Variants in PATJ observed in about 807,000 individuals in gnomAD.
PATJ encodes the protein PATJ crumbs cell polarity complex component.
In PATJ, 190 loss-of-function variants were observed where a neutral mutation model predicts 224.9. That is an observed-to-expected ratio of 0.84 (90% CI 0.75 to 0.95). The LOEUF is 0.95. Ranked by LOEUF, PATJ falls within the 40% of genes least tolerant of loss-of-function variation. The probability of loss-of-function intolerance (pLI) is 0.00; values close to 1 mark genes in which losing one functional copy is unlikely to be tolerated. For missense variants in PATJ, 2,121 were observed against 2,270.3 expected (o/e 0.93, Z 1.34); for synonymous variants, 769 against 820.3 (o/e 0.94, Z 1.07).
intron 43 of PATJ, among the ~76,000 whole-genome samples, chr1:62,155,932 C>T (rs1165856423): frequency 6.6e-6 from 1 of 151,446 alleles, no homozygotes; most frequent in African/African-American, 2.4e-5. Context: ...GTGGTAGGCG[C>T]CTGTAGTCCC....
intron 7 of PATJ, among the ~76,000 whole-genome samples, chr1:61,779,933 A>C (rs2148433440): frequency 6.9e-6 from 1 of 145,842 alleles, no homozygotes. Context: ...TCTTTTTAAC[A>C]ATCAGAGTGA....
intron 16 of PATJ, among the ~76,000 whole-genome samples, chr1:61,831,208 A>C (rs1659260803): frequency 6.6e-6 from 1 of 150,476 alleles, no homozygotes; most frequent in Admixed American, 6.6e-5. Flanking sequence ...AAAAAAAAGT[A>C]AAACCTAAAA....
Position 61,905,032 on chromosome 1 carries a change from G to T in PATJ, c.3382-3340G>T, listed in dbSNP as rs111355425. Among the ~76,000 whole-genome samples the T allele has an allele frequency of 6.6e-5, 10 of 152,314 alleles. 1 individual carries two copies. Among genetic ancestry groups the T allele is most frequent in the African/African-American group, 2.4e-4 (10 of 41,562 alleles). ...GTCCAAGAGTTCAAGACTTGCTTGG[G>T]CAACATAGTGAGACCCTCTATCTAC... On this transcript the variant is annotated intron_variant, in intron 24 of 43. Coordinates refer to ENST00000642238, the MANE Select transcript of PATJ (RefSeq NM_001350145.3).
chr1:61,745,602 T>G (rs1333827095), intron 1 of PATJ, among the ~76,000 whole-genome samples: 2 of 149,876 alleles, frequency 1.3e-5, no homozygotes, highest in Non-Finnish European at 3.0e-5. Context: ...TTTATTTTAA[T>G]TAATTAATTT....
intron 27 of PATJ, among the ~76,000 whole-genome samples, chr1:61,972,167 G>A (rs1189229872): frequency 6.6e-6 from 1 of 151,766 alleles, no homozygotes; most frequent in East Asian, 1.9e-4. Flanking sequence ...ATTCCTTTAT[G>A]TTTTATATAT....
chr1:61,803,853 C>T (rs1235896593), intron 12 of PATJ, among the ~76,000 whole-genome samples: 1 of 152,104 alleles, frequency 6.6e-6, no homozygotes, highest in Non-Finnish European at 1.5e-5. Context: ...TATTTCAGAT[C>T]ATCATGTTAT....
chr1:61,959,040 G>A (rs1680840161), intron 27 of PATJ, among the ~76,000 whole-genome samples: 1 of 152,062 alleles, frequency 6.6e-6, no homozygotes, highest in Non-Finnish European at 1.5e-5. Flanking sequence ...TTGGAATGTG[G>A]GGAGGGGTAT....
rs1048173777 is a variant in PATJ, at chr1:62,006,342, C to G, written c.3868-11514C>G. On this transcript the variant is annotated intron_variant, in intron 28 of 43. Coordinates refer to ENST00000642238, the MANE Select transcript of PATJ (RefSeq NM_001350145.3). ...TGTTCCCCAGGCTGGTCTCGAACTC[C>G]TGAGCTCAGGCAATCCACCCGCCTT... Among the ~76,000 whole-genome samples, 4 of 152,196 alleles carry G rather than the reference C, an allele frequency of 2.6e-5. No homozygotes were observed. In the East Asian group the frequency reaches 7.7e-4, roughly 29 times the overall value.
At chr1:61,819,427 T>C (rs1656804042) in intron 14 of PATJ, among the ~76,000 whole-genome samples, 1 of 152,200 alleles carries the variant, frequency 6.6e-6, no homozygotes, top group Non-Finnish European at 1.5e-5. Context: ...TTTATTTGTC[T>C]GCCATGCTAG....
At chr1:61,785,525 T>C (rs1648318912) in intron 7 of PATJ, among the ~76,000 whole-genome samples, 1 of 152,228 alleles carries the variant, frequency 6.6e-6, no homozygotes, top group South Asian at 2.1e-4. Flanking sequence ...AATTTTCTCA[T>C]TTGAAAGTTG....
Position 61,864,612 on chromosome 1 carries a change from T to C in PATJ, c.2814T>C (p.Tyr938=), listed in dbSNP as rs780749300. 8 of 1,596,610 alleles carry C rather than the reference T, an allele frequency of 5.0e-6. No homozygotes were observed. The highest frequency in any genetic ancestry group is 1.1e-5 in the South Asian group (1 of 90,888). The part of the protein sequence containing the change: ...RTVYSQEAQP[Y]GYCPENVMKE... ...TCTATTCCCAGGAGGCACAGCCGTATGGCTATTGCCCTGAAAATGTGGTAA... is the reference window on the plus strand; with the variant it reads ...TCTATTCCCAGGAGGCACAGCCGTACGGCTATTGCCCTGAAAATGTGGTAA... Residue 938 remains tyrosine (Y), a synonymous_variant, in exon 20 of 44, where the codon TAT becomes TAC. Transcript: ENST00000642238.
chr1:62,054,792 C>T (rs1654263960), intron 31 of PATJ, among the ~76,000 whole-genome samples: 1 of 152,116 alleles, frequency 6.6e-6, no homozygotes, highest in Non-Finnish European at 1.5e-5. Context: ...TACGGTGATT[C>T]ATGCCTATAA....
intron 27 of PATJ, among the ~76,000 whole-genome samples, chr1:61,987,540 A>G (rs1644831805): frequency 6.6e-6 from 1 of 152,182 alleles, no homozygotes; most frequent in Non-Finnish European, 1.5e-5. Flanking sequence ...TGAGAGCATA[A>G]GTGCTCTGGT....
At chr1:62,107,559 A>G (rs1384060301) in intron 33 of PATJ, among the ~76,000 whole-genome samples, 2 of 152,104 alleles carry the variant, frequency 1.3e-5, no homozygotes, top group Non-Finnish European at 2.9e-5. Context: ...AAATATATAA[A>G]TATTTGGGTG....
intron 28 of PATJ, among the ~76,000 whole-genome samples, chr1:62,005,417 G>GTTT (rs533186698): frequency 2.8e-4 from 33 of 116,362 alleles, no homozygotes; most frequent in Admixed American, 8.3e-4. Flanking sequence ...ATATGATGTG[G>GTTT]TTTTTTTTTT....
chr1:62,151,216 G>A (rs539246920), intron 42 of PATJ, among the ~76,000 whole-genome samples: 2 of 152,270 alleles, frequency 1.3e-5, no homozygotes, highest in Admixed American at 6.5e-5. Flanking sequence ...CAGTAACTAT[G>A]GATGTCTGCT....
In PATJ at chr1:61,791,540, A is replaced by G. The variant is rs913750297; in HGVS notation, c.1168+93A>G. ...TTAAATACTTGCAGATTTTAATTTA[A>G]ATCTTGAACAATAAAACCATGAGTC... On this transcript the variant is annotated intron_variant, in intron 9 of 43. Coordinates refer to ENST00000642238, the MANE Select transcript of PATJ (RefSeq NM_001350145.3). 2.0e-5 allele frequency: 15 copies of G among 759,300 alleles called. No individual in the cohort carries two copies. The African/African-American group carries it at 2.7e-4, about 13-fold the overall frequency. The allele number at this position is 759,300 out of a possible 1,614,324, so 47.0% of individuals were successfully genotyped here.
At chr1:62,158,486 A>G (rs1476088858) in intron 43 of PATJ, among the ~76,000 whole-genome samples, 6 of 148,642 alleles carry the variant, frequency 4.0e-5, no homozygotes, top group African/African-American at 1.2e-4. Flanking sequence ...TTGGGAGGCC[A>G]AGGTGGGCGG....
intron 1 of PATJ, among the ~76,000 whole-genome samples, 196 bp downstream of exon 1, chr1:61,742,751 G>C (rs1463322519): frequency 6.6e-6 from 1 of 150,714 alleles, no homozygotes; most frequent in Non-Finnish European, 1.5e-5. Context: ...GGGCCGCGGC[G>C]AGGATGGGGC....
Sources: allele counts gnomAD v4.1 joint callset (sites outside exome capture counted in the v4.1 genomes callset), GRCh38; gene constraint gnomAD v4.1.1; transcripts MANE v1.5; gene names NCBI Gene and HGNC (gene_info 2026-07-23, HGNC 2026-07-21).